The following MTERF4 variants were observed in gnomAD, a reference collection of about 807,000 sequenced individuals.
The protein encoded by MTERF4 is transcription termination factor 4, mitochondrial.
MTERF4 carries 17 observed loss-of-function variants against 22.5 expected under a neutral mutation model. That is an observed-to-expected ratio of 0.75 (90% CI 0.52 to 1.13). The LOEUF (loss-of-function observed/expected upper bound fraction) is 1.13. Among genes scored for constraint, MTERF4 ranks in the 50% most tolerant of loss-of-function variants. MTERF4 has a pLI of 0.00. For missense variants in MTERF4, 420 were observed against 466.8 expected (o/e 0.90, Z 0.92); for synonymous variants, 165 against 175.3 (o/e 0.94, Z 0.47).
chr2:241,099,546 A>C lies in MTERF4; in HGVS notation c.370T>G (p.Leu124Val), dbSNP rs2064605811. ...SVRRGASLQQLLDIISEFILL... is the reference protein window; with the variant it reads ...SVRRGASLQQVLDIISEFILL... The stretch of plus-strand genomic sequence containing the variant: ...ATAAATTCTGAAATGATGTCCAGCA[A>C]CTGTTGAAGACTGGCACCTCGCCGT... Residue 124 changes from leucine to valine, a missense_variant, in exon 2 of 4, where the codon TTG (leucine) becomes GTG (valine). Coordinates refer to ENST00000391980, the MANE Select transcript of MTERF4 (RefSeq NM_182501.4). 1 of 1,614,118 alleles carries C rather than the reference A, an allele frequency of 6.2e-7. No homozygotes were observed. The highest frequency in any genetic ancestry group is 1.3e-5 in the African/African-American group (1 of 74,942).
Position 241,097,410 on chromosome 2 carries a change from G to T in MTERF4, c.538C>A (p.Leu180Ile), listed in dbSNP as rs2064500756. 6.2e-7 allele frequency: 1 copy of T among 1,613,606 alleles called. No homozygotes were observed. The highest frequency in any genetic ancestry group is 8.5e-7 in the Non-Finnish European group (1 of 1,179,664). The change falls in exon 3 of 4, where the codon CTT becomes ATT. Residue 180 changes from leucine to isoleucine, a missense_variant. Physicochemically the swap from Leu to Ile is conservative, Grantham distance 5 (BLOSUM62 2). Coordinates refer to ENST00000391980, the MANE Select transcript of MTERF4 (RefSeq NM_182501.4). ...GLGEGKLKRV[L>I]YCCPEIFTMR... is the part of the protein sequence containing the mutation. The stretch of plus-strand genomic sequence containing the variant: ...GTGAAAATTTCAGGGCAACAGTAAA[G>T]CACCCTCTTTAATTTCCCTGCAGAA...
chr2:241,060,819 T>C, the MTERF4 span, among the ~76,000 whole-genome samples: 3 of 152,010 alleles, frequency 2.0e-5, no homozygotes, highest in African/African-American at 4.8e-5. Flanking sequence ...TAGTCCCAGC[T>C]ACTCAGGAGG....
downstream of MTERF4, chr2:241,094,895 T>C (rs1183435379): frequency 6.3e-6 from 1 of 158,410 alleles, no homozygotes; most frequent in Non-Finnish European, 1.4e-5. This position sits in a 1 kb window ranked among gnomAD's most constrained non-coding sequence, Gnocchi z 4.3. Context: ...GAGGGCTAAC[T>C]GGAATGTTCT....
At position 241,095,918 on chromosome 2, in the gene MTERF4, TA is replaced by T; in HGVS notation, c.*79del. On this transcript the variant is annotated 3_prime_UTR_variant, in exon 4 of 4. Transcript: ENST00000391980. Reference sequence around the variant, plus strand: ...AAAAAATAACTTGAGAAGATTCAAGTAAAGGACCCAAAAGCTTTAAGAGAAT... The same window carrying T: ...AAAAAATAACTTGAGAAGATTCAAGTAAGGACCCAAAAGCTTTAAGAGAAT... 6 of 1,527,272 alleles carry T rather than the reference TA, an allele frequency of 3.9e-6. No homozygotes were observed. The highest frequency in any genetic ancestry group is 5.3e-6 in the Non-Finnish European group (6 of 1,141,346). The allele number at this position is 1,527,272 out of a possible 1,614,324, so 94.6% of individuals were successfully genotyped here.
chr2:241,090,359 G>A (rs1237430966), downstream of MTERF4: 47 of 1,550,070 alleles, frequency 3.0e-5, no homozygotes, highest in Non-Finnish European at 4.0e-5. Flanking sequence ...CACCTCCTGT[G>A]ACAATGATGC....
At chr2:241,087,201 T>G (rs1347540810), downstream of MTERF4, 5 of 579,936 alleles carry the variant, frequency 8.6e-6, no homozygotes, top group Non-Finnish European at 1.5e-5. Flanking sequence ...CCACAATAAA[T>G]TTATTACAAA....
At position 241,075,298 on chromosome 2, in the gene MTERF4, G is replaced by A. The variant is rs1035528151; in HGVS notation, n.864C>T. 6.6e-6 allele frequency: 1 copy of A among 152,188 alleles called. No homozygotes were observed. Among genetic ancestry groups the A allele is most frequent in the Admixed American group, 6.5e-5 (1 of 15,274 alleles). The allele number at this position is 152,188 out of a possible 1,614,324, so 9.4% of individuals were successfully genotyped here. Reference sequence around the variant, plus strand: ...AATGCCCAAATTACATGAGAACTAAGTCATTTTCTAAGAGGCGATAGCAGT... The same window carrying A: ...AATGCCCAAATTACATGAGAACTAAATCATTTTCTAAGAGGCGATAGCAGT... On this transcript the variant is annotated non_coding_transcript_exon_variant, in exon 5 of 5. Transcript: ENST00000464344. The surrounding 1 kb of genome is among the most constrained non-coding windows in gnomAD (Gnocchi z 4.8).
chr2:241,085,864 T>TTTC (rs1279161321), downstream of MTERF4, among the ~76,000 whole-genome samples: 66 of 138,634 alleles, frequency 4.8e-4, no homozygotes, highest in African/African-American at 1.8e-3. Flanking sequence ...CGGTTTCTTT[T>TTTC]TTTTTTTTTT....
downstream of MTERF4, among the ~76,000 whole-genome samples, chr2:241,084,782 T>TAACTC (rs1436888160): frequency 3.9e-5 from 6 of 152,198 alleles, no homozygotes; most frequent in Non-Finnish European, 8.8e-5. Flanking sequence ...CATAAGAACT[T>TAACTC]AACTCTAACA....
At chr2:241,088,915 T>C (rs1404859833), downstream of MTERF4, 2 of 204,578 alleles carry the variant, frequency 9.8e-6, no homozygotes, top group Non-Finnish European at 1.9e-5. Flanking sequence ...GATCGCTTAA[T>C]ATTTAGAAAG....
downstream of MTERF4, among the ~76,000 whole-genome samples, chr2:241,085,880 T>TC (rs1301198487): frequency 6.8e-5 from 10 of 146,266 alleles, no homozygotes; most frequent in African/African-American, 2.3e-4. Context: ...TTTTTTTTTT[T>TC]TTTTGAGACA....
At chr2:241,050,051 G>A in the MTERF4 span, 5 of 775,158 alleles carry the variant, frequency 6.5e-6, no homozygotes, top group South Asian at 5.8e-5. Context: ...CTCGTCTAGA[G>A]CCTTGCCTGA....
Position 241,097,257 on chromosome 2 carries a change from C to G in MTERF4, c.691G>C (p.Glu231Gln). Residue 231 changes from glutamate to glutamine, a missense_variant, in exon 3 of 4, where the codon GAA (glutamate) becomes CAA (glutamine). Transcript: ENST00000391980. ...GTCATTCTCACCTGAAACTTGTATTCCAGTTGACCCAGGTCCTCTCGAAGA... is the reference window on the plus strand; with the variant it reads ...GTCATTCTCACCTGAAACTTGTATTGCAGTTGACCCAGGTCCTCTCGAAGA... Reference protein sequence around the residue: ...SVLREDLGQLEYKFQYAYFRM... With the variant: ...SVLREDLGQLQYKFQYAYFRM... 6.2e-7 allele frequency: 1 copy of G among 1,613,948 alleles called. No homozygotes were observed. The highest frequency in any genetic ancestry group is 8.5e-7 in the Non-Finnish European group (1 of 1,179,940).
At chr2:241,052,236 G>T in the MTERF4 span, 4 of 1,469,562 alleles carry the variant, frequency 2.7e-6, no homozygotes, top group Admixed American at 3.5e-5. Context: ...CCATGGGCAG[G>T]GCTGGTCCAG....
downstream of MTERF4, among the ~76,000 whole-genome samples, chr2:241,067,455 G>A (rs564664598): frequency 3.9e-5 from 6 of 152,334 alleles, no homozygotes; most frequent in African/African-American, 7.2e-5. Flanking sequence ...GAGGGACTCC[G>A]GCCCATCCCC....
rs1191911736 is a variant in MTERF4, at chr2:241,096,674, G to A, written c.706-236C>T. On this transcript the variant is annotated intron_variant, in intron 3 of 3. Coordinates refer to ENST00000391980, the MANE Select transcript of MTERF4 (RefSeq NM_182501.4). The surrounding 1 kb of genome is among the most constrained non-coding windows in gnomAD (Gnocchi z 5.1). ...AATAAAGGGGTGGGAGGGAAAAGGGGCAGGAGGGAGAAGGGGCAGAAGGAA... is the reference window on the plus strand; with the variant it reads ...AATAAAGGGGTGGGAGGGAAAAGGGACAGGAGGGAGAAGGGGCAGAAGGAA... The A allele has an allele frequency of 1.5e-6, 1 of 683,912 alleles. No individual in the cohort carries two copies. Among genetic ancestry groups the A allele is most frequent in the African/African-American group, 1.8e-5 (1 of 56,668 alleles). The allele number at this position is 683,912 out of a possible 1,614,324, so 42.4% of individuals were successfully genotyped here. A position where few individuals can be genotyped will look rare whatever the true frequency, so the allele number is the denominator to read the frequency against.
the MTERF4 span, among the ~76,000 whole-genome samples, chr2:241,056,483 A>C: frequency 6.6e-6 from 1 of 152,152 alleles, no homozygotes; most frequent in Non-Finnish European, 1.5e-5. Context: ...AAGAAAAAAA[A>C]CCATAGAACT....
At chr2:241,082,188 C>G, downstream of MTERF4, 2 of 1,052,938 alleles carry the variant, frequency 1.9e-6, no homozygotes, top group Non-Finnish European at 2.9e-6. Flanking sequence ...TAAGGACCCC[C>G]GGGCCCTCTC....
chr2:241,064,076 C>T, the MTERF4 span: 5 of 1,570,084 alleles, frequency 3.2e-6, no homozygotes, highest in Non-Finnish European at 4.3e-6. The surrounding 1 kb of genome is among the most constrained non-coding windows in gnomAD (Gnocchi z 7.0). Flanking sequence ...GCGGCGGGGC[C>T]TACCTGTGCG....
Sources: gnomAD v4.1 joint callset for allele counts (sites outside exome capture counted in the v4.1 genomes callset) on GRCh38, gnomAD v4.1.1 for gene constraint, Gnocchi (gnomAD v3.1) non-coding constraint, MANE v1.5 for transcripts, NCBI Gene and HGNC (gene_info 2026-07-23, HGNC 2026-07-21) for gene names.